The following PI4KA variants were observed in gnomAD, a reference collection of about 807,000 sequenced individuals.
PI4KA encodes phosphatidylinositol 4-kinase alpha.
In PI4KA, 122 loss-of-function variants were observed where a neutral mutation model predicts 271.4. The ratio of observed to expected loss-of-function variants is 0.45; its 90% confidence interval spans 0.39 to 0.52. PI4KA has a LOEUF of 0.52. Among genes scored for constraint, PI4KA ranks in the 20% least tolerant of loss-of-function variants. The pLI is 0.00. For synonymous variants in PI4KA, 1,041 were observed against 1,078.8 expected (o/e 0.96, Z 0.69); for missense variants, 1,969 against 2,769.1 (o/e 0.71, Z 6.48).
chr22:20,713,487 C>T, intron 47 of PI4KA, 97 bp from the exon 48 acceptor site: 2 of 930,914 alleles, frequency 2.1e-6, no homozygotes, highest in South Asian at 1.5e-5. Context: ...GAAAGGAACC[C>T]CAGCAATCTT....
intron 41 of PI4KA, among the ~76,000 whole-genome samples, chr22:20,726,885 G>A (rs1382682671): frequency 6.6e-6 from 1 of 152,050 alleles, no homozygotes; most frequent in Admixed American, 6.5e-5. Context: ...CCCACAAGGA[G>A]TGAGGGACCC....
intron 39 of PI4KA, among the ~76,000 whole-genome samples, chr22:20,728,935 T>A (rs1927676531): frequency 6.6e-6 from 1 of 152,106 alleles, no homozygotes; most frequent in Non-Finnish European, 1.5e-5. Context: ...ACTCTGCCAC[T>A]GAAAGGTGAC....
Position 20,712,508 on chromosome 22 carries a change from T to A in PI4KA, c.5780A>T (p.Glu1927Val). The change falls in exon 50 of 55, where the codon GAG (glutamate) becomes GTG (valine). Residue 1927 changes from glutamate (E) to valine (V), a missense_variant. Around this residue, in one of 13 missense-constraint regions of PI4KA, gnomAD observed 110 missense variants for 349.8 expected, o/e 0.31. Coordinates refer to ENST00000255882, the MANE Select transcript of PI4KA (RefSeq NM_058004.4). The stretch of plus-strand genomic sequence containing the variant: ...TACCTGCTGGAAGGCCAGAGTGGAC[T>A]CATCCCCGTACTGGCGTGTGAAGTA... ...YDYFTRQYGDESTLAFQQARY... is the reference protein window; with the variant it reads ...YDYFTRQYGDVSTLAFQQARY... 2 of 1,606,492 alleles carry A rather than the reference T, an allele frequency of 1.2e-6. No homozygotes were observed. Among genetic ancestry groups the A allele is most frequent in the Non-Finnish European group, 1.7e-6 (2 of 1,177,428 alleles).
At chr22:20,804,918 G>A (rs1253285539) in intron 11 of PI4KA, 56 bp downstream of exon 11, 1 of 1,416,628 alleles carries the variant, frequency 7.1e-7, no homozygotes, top group African/African-American at 1.4e-5. Context: ...CTTGTGGCAA[G>A]AAAGCCTCTG....
chr22:20,781,910 G>T (rs1190613736), intron 19 of PI4KA, among the ~76,000 whole-genome samples: 1 of 152,208 alleles, frequency 6.6e-6, no homozygotes, highest in Admixed American at 6.5e-5. Context: ...CACTCTGACA[G>T]GGCCGAGGGA....
At chr22:20,765,045 A>G in intron 21 of PI4KA, 55 bp downstream of exon 21, 1 of 1,583,592 alleles carries the variant, frequency 6.3e-7, no homozygotes, top group South Asian at 1.1e-5. Context: ...GACAGTGAAA[A>G]GATCTGCCCT....
intron 15 of PI4KA, 36 bp downstream of exon 15, chr22:20,799,635 A>G: frequency 6.9e-7 from 1 of 1,444,908 alleles, no homozygotes; most frequent in Non-Finnish European, 9.5e-7. Flanking sequence ...GCTGAGAACA[A>G]TGGGCTGCCT....
chr22:20,776,005 A>G (rs1933241632), intron 19 of PI4KA, among the ~76,000 whole-genome samples: 1 of 152,134 alleles, frequency 6.6e-6, no homozygotes, highest in African/African-American at 2.4e-5. Context: ...GCCCAGTTCT[A>G]TTTGCAGCTA....
chr22:20,775,482 A>G (rs554061693), intron 19 of PI4KA, among the ~76,000 whole-genome samples: 25 of 152,330 alleles, frequency 1.6e-4, no homozygotes, highest in Admixed American at 1.4e-3. Context: ...GAAGTTTCCA[A>G]ATATAACTTC....
chr22:20,847,715 C>T (rs1200094554), intron 1 of PI4KA, among the ~76,000 whole-genome samples: 1 of 150,670 alleles, frequency 6.6e-6, no homozygotes, highest in African/African-American at 2.5e-5. Context: ...CCACTGCATA[C>T]CACTGCTCTC....
At chr22:20,799,476 C>A (rs1341258569) in intron 15 of PI4KA, among the ~76,000 whole-genome samples, 195 bp downstream of exon 15, 1 of 139,768 alleles carries the variant, frequency 7.2e-6, no homozygotes, top group Non-Finnish European at 1.7e-5. Context: ...AGATCTTTCT[C>A]GACTTCCACA....
chr22:20,839,811 G>A (rs368710266), intron 1 of PI4KA, among the ~76,000 whole-genome samples: 2 of 146,526 alleles, frequency 1.4e-5, no homozygotes, highest in Non-Finnish European at 3.0e-5. Flanking sequence ...CAGCCTGGGC[G>A]ACAGAGCAAG....
intron 14 of PI4KA, among the ~76,000 whole-genome samples, 175 bp from the exon 15 acceptor site, chr22:20,799,941 C>T (rs75555378): frequency 9.3e-4 from 142 of 152,256 alleles, no homozygotes; most frequent in Non-Finnish European, 1.6e-3. Flanking sequence ...CAGATTTTGC[C>T]CACTTGATAA....
At chr22:20,838,820 G>A (rs1018158048) in intron 1 of PI4KA, 89 bp from the exon 2 acceptor site, 26 of 735,630 alleles carry the variant, frequency 3.5e-5, no homozygotes, top group Admixed American at 1.2e-4. Context: ...TCATATGCCT[G>A]CAGTACCAGC....
intron 19 of PI4KA, among the ~76,000 whole-genome samples, chr22:20,768,314 C>A (rs958043834): frequency 2.0e-5 from 3 of 151,824 alleles, no homozygotes; most frequent in Non-Finnish European, 4.4e-5. Flanking sequence ...TCAAGAGATC[C>A]TCCCGTGTTG....
At chr22:20,715,216 G>A (rs1172693021) in intron 45 of PI4KA, among the ~76,000 whole-genome samples, 1 of 151,824 alleles carries the variant, frequency 6.6e-6, no homozygotes. Context: ...GATTATAGGC[G>A]CCTGTCACCA....
chr22:20,713,286 G>A lies in PI4KA; in HGVS notation c.5566C>T (p.Arg1856Trp), dbSNP rs1359392529. Residue 1856 changes from arginine (R) to tryptophan (W), a missense_variant, in exon 48 of 55, where the codon CGG becomes TGG. Arg to Trp is a moderately radical substitution (Grantham distance 101). Transcript: ENST00000255882. Reference protein sequence around the residue: ...AAIFKVGDDCRQDMLALQIID... With the variant: ...AAIFKVGDDCWQDMLALQIID... Reference sequence around the variant, plus strand: ...CGAGGCCTGACCCTGCTTACCTGCCGGCAGTCGTCTCCCACCTTGAAGATG... The same window carrying A: ...CGAGGCCTGACCCTGCTTACCTGCCAGCAGTCGTCTCCCACCTTGAAGATG... 1.3e-5 allele frequency: 21 copies of A among 1,577,388 alleles called. No homozygotes were observed. The highest frequency in any genetic ancestry group is 1.8e-5 in the Admixed American group (1 of 56,794).
intron 11 of PI4KA, 44 bp downstream of exon 11, chr22:20,804,930 G>A (rs755358539): frequency 6.7e-7 from 1 of 1,487,138 alleles, no homozygotes; most frequent in Non-Finnish European, 9.2e-7. Flanking sequence ...AAGCCTCTGG[G>A]TCATGCCTGG....
At chr22:20,731,686 T>C (rs559719737) in intron 36 of PI4KA, among the ~76,000 whole-genome samples, 2 of 152,248 alleles carry the variant, frequency 1.3e-5, no homozygotes, top group African/African-American at 4.8e-5. Flanking sequence ...TCCTAGCACT[T>C]TGGGAGGCCG....
Sources: gnomAD v4.1 joint callset for allele counts (sites outside exome capture counted in the v4.1 genomes callset) on GRCh38, gnomAD v4.1.1 for gene constraint, gnomAD v4.1.1 regional missense constraint, MANE v1.5 for transcripts, NCBI Gene and HGNC (gene_info 2026-07-23, HGNC 2026-07-21) for gene names.